SYNJ2BP: variants seen among roughly 807,000 people sequenced by gnomAD.
SYNJ2BP encodes synaptojanin 2 binding protein.
A neutral mutation model predicts 16.9 loss-of-function variants in SYNJ2BP; 10 were observed. The observed-to-expected ratio is 0.59, with a 90% CI of 0.36 to 1.00. The LOEUF (loss-of-function observed/expected upper bound fraction) is 1.00, where lower values mean the gene tolerates loss of function less well. SYNJ2BP is among the 50% of genes least tolerant of loss of function. The probability of loss-of-function intolerance (pLI) is 0.01; values close to 1 mark genes in which losing one functional copy is unlikely to be tolerated. For missense variants in SYNJ2BP, 162 were observed against 186.7 expected, an observed-to-expected ratio of 0.87 and a Z score of 0.77; for synonymous variants, 54 against 68.4, an observed-to-expected ratio of 0.79 and a Z score of 1.04.
intron 2 of SYNJ2BP, among the ~76,000 whole-genome samples, chr14:70,385,712 C>T (rs1887846272): frequency 6.6e-6 from 1 of 152,104 alleles, no homozygotes; most frequent in African/African-American, 2.4e-5. Context: ...ACCATACATG[C>T]AATCTACTAT....
Position 70,388,471 on chromosome 14 carries a change from G to A in SYNJ2BP, c.200C>T (p.Ser67Leu), listed in dbSNP as rs772822266. ...GRLQEGDKIL[S>L]VNGQDLKNLL... ...AAGGAGGCCGAAGCCCATTCTCACC[G>A]AAAGGATCTTATCACCCTCCTGGAG... Residue 67 changes from serine (S) to leucine (L), a missense_variant and splice_region_variant, in exon 2 of 4, where the codon TCG becomes TTG. By Grantham distance (145) the Ser-to-Leu change is moderately radical. Transcript: ENST00000256366. 16 of 1,563,300 alleles carry A rather than the reference G, an allele frequency of 1.0e-5. No individual in the cohort carries two copies. Among genetic ancestry groups the A allele is most frequent in the East Asian group, 2.4e-5 (1 of 42,532 alleles).
intron 1 of SYNJ2BP, among the ~76,000 whole-genome samples, chr14:70,401,547 A>G (rs930140144): frequency 1.5e-5 from 2 of 131,698 alleles, no homozygotes; most frequent in African/African-American, 6.0e-5. Flanking sequence ...TTTTCAGTCA[A>G]TTGAGACCCC....
chr14:70,413,727 A>G, intron 1 of SYNJ2BP, among the ~76,000 whole-genome samples: 1 of 152,210 alleles, frequency 6.6e-6, no homozygotes, highest in East Asian at 1.9e-4. Flanking sequence ...TGTTGTCATA[A>G]TTTCCCCAAG....
chr14:70,406,072 G>C lies in SYNJ2BP; in HGVS notation c.64+10828C>G, dbSNP rs186628214. Among the ~76,000 whole-genome samples, 447 of 152,126 alleles carry C rather than the reference G, an allele frequency of 2.9e-3. 3 individuals carry two copies. Among genetic ancestry groups the C allele is most frequent in the Middle Eastern group, 6.8e-3 (2 of 294 alleles). On this transcript the variant is annotated intron_variant, in intron 1 of 3. Transcript: ENST00000256366. Reference sequence around the variant, plus strand: ...TCTAACTTTAACCCTTTTCCAAAAGGAACCCCTGGAAGTCCAACAGATACG... The same window carrying C: ...TCTAACTTTAACCCTTTTCCAAAAGCAACCCCTGGAAGTCCAACAGATACG...
chr14:70,367,561 C>CAAAAAAAAAAAAA lies in SYNJ2BP; in HGVS notation c.*5417_*5429dup, dbSNP rs71448320. 2 of 36,948 alleles carry CAAAAAAAAAAAAA rather than the reference C, an allele frequency of 5.4e-5. No homozygotes were observed. Among genetic ancestry groups the CAAAAAAAAAAAAA allele is most frequent in the African/African-American group, 1.9e-4 (2 of 10,324 alleles). 2.3% of individuals were successfully genotyped at this position (36,948 alleles called of 1,614,324 possible). On this transcript the variant is annotated 3_prime_UTR_variant, in exon 4 of 4. Transcript: ENST00000256366. ...TAGGCGACAGAGCAAGACTCCGTCT[C>CAAAAAAAAAAAAA]AAAAAAAAAAAAAAAAAAAAAAAAA...
intron 2 of SYNJ2BP, among the ~76,000 whole-genome samples, chr14:70,384,036 C>T (rs959911854): frequency 4.0e-5 from 6 of 151,556 alleles, no homozygotes; most frequent in Non-Finnish European, 8.8e-5. Flanking sequence ...CGGCTCACTG[C>T]AAGCTCTGCC....
Position 70,388,622 on chromosome 14 carries a change from A to C in SYNJ2BP, c.65-16T>G, listed in dbSNP as rs1237272500. 2.0e-6 allele frequency: 3 copies of C among 1,472,298 alleles called. No individual in the cohort carries two copies. Among genetic ancestry groups the C allele is most frequent in the Non-Finnish European group, 2.7e-6 (3 of 1,109,414 alleles). The allele number at this position is 1,472,298 out of a possible 1,614,324, so 91.2% of individuals were successfully genotyped here. On this transcript the variant is annotated splice_polypyrimidine_tract_variant and intron_variant, in intron 1 of 3. Coordinates refer to ENST00000256366, the MANE Select transcript of SYNJ2BP (RefSeq NM_018373.3). ...AAGCCCAGCCCTGAGAAAATCATGG[A>C]GGAGTAAAAAGATGGGGGTGAAGAA...
chr14:70,367,945 T>A lies in SYNJ2BP; in HGVS notation c.*5046A>T, dbSNP rs1887430972. The A allele has an allele frequency of 7.2e-5, 11 of 152,316 alleles. No individual in the cohort carries two copies. The South Asian group carries it at 2.3e-3, about 32-fold the overall frequency. The allele number at this position is 152,316 out of a possible 1,614,324, so 9.4% of individuals were successfully genotyped here. On this transcript the variant is annotated 3_prime_UTR_variant, in exon 4 of 4. Transcript: ENST00000256366. ...CACATAGTAGGCAGTCATTAGTTAT[T>A]TGCTGAATGAAGGAAAAAAACCTTC...
chr14:70,392,814 T>G (rs1023329051), intron 1 of SYNJ2BP, among the ~76,000 whole-genome samples: 3 of 152,134 alleles, frequency 2.0e-5, no homozygotes, highest in South Asian at 4.1e-4. Flanking sequence ...ACCAACCAAT[T>G]GAAACAGATG....
intron 1 of SYNJ2BP, among the ~76,000 whole-genome samples, chr14:70,402,789 C>T (rs1033923886): frequency 7.2e-5 from 11 of 152,074 alleles, no homozygotes; most frequent in Non-Finnish European, 1.0e-4. Context: ...AATCAAGAAA[C>T]GAACTAAGTA....
rs780920609 is a variant in SYNJ2BP, at chr14:70,388,470, C to T, written c.201G>A (p.Ser67=). The T allele has an allele frequency of 3.2e-6, 5 of 1,559,632 alleles. No individual in the cohort carries two copies. Among genetic ancestry groups the T allele is most frequent in the East Asian group, 2.4e-5 (1 of 42,406 alleles). The change falls in exon 2 of 4, where the codon TCG becomes TCA. Residue 67 remains serine, a splice_region_variant and synonymous_variant. Transcript: ENST00000256366. The part of the protein sequence containing the change: ...GRLQEGDKIL[S]VNGQDLKNLL... ...GAAGGAGGCCGAAGCCCATTCTCAC[C>T]GAAAGGATCTTATCACCCTCCTGGA...
At chr14:70,411,683 C>T (rs991160577) in intron 1 of SYNJ2BP, among the ~76,000 whole-genome samples, 23 of 152,190 alleles carry the variant, frequency 1.5e-4, no homozygotes, top group African/African-American at 5.1e-4. Flanking sequence ...CCTGTCCATT[C>T]CAGAAGACCC....
At chr14:70,397,244 C>A (rs1200637154) in intron 1 of SYNJ2BP, among the ~76,000 whole-genome samples, 3 of 151,770 alleles carry the variant, frequency 2.0e-5, no homozygotes, top group Non-Finnish European at 4.4e-5. Context: ...GTGTACTCTG[C>A]TGTTATTTGA....
intron 1 of SYNJ2BP, among the ~76,000 whole-genome samples, chr14:70,414,997 T>C (rs1252670168): frequency 1.3e-5 from 2 of 152,100 alleles, no homozygotes; most frequent in African/African-American, 4.8e-5. Flanking sequence ...CAAATGAGCC[T>C]TTGACAAAAG....
At chr14:70,403,326 A>G (rs1888280113) in intron 1 of SYNJ2BP, among the ~76,000 whole-genome samples, 1 of 152,252 alleles carries the variant, frequency 6.6e-6, no homozygotes, top group African/African-American at 2.4e-5. Flanking sequence ...ACATGAAAAC[A>G]TTCTAATGAA....
chr14:70,407,857 G>A (rs1444754336), intron 1 of SYNJ2BP, among the ~76,000 whole-genome samples: 1 of 152,132 alleles, frequency 6.6e-6, no homozygotes, highest in Non-Finnish European at 1.5e-5. Flanking sequence ...CTGAAAACAT[G>A]AAATTACTTG....
chr14:70,372,186 C>T lies in SYNJ2BP; in HGVS notation c.*805G>A, dbSNP rs1299162713. 1 of 151,686 alleles carries T rather than the reference C, an allele frequency of 6.6e-6. No individual in the cohort carries two copies. The highest frequency in any genetic ancestry group is 1.9e-4 in the East Asian group (1 of 5,182). The allele number at this position is 151,686 out of a possible 1,614,324, so 9.4% of individuals were successfully genotyped here. On this transcript the variant is annotated 3_prime_UTR_variant, in exon 4 of 4. Coordinates refer to ENST00000256366, the MANE Select transcript of SYNJ2BP (RefSeq NM_018373.3). Reference sequence around the variant, plus strand: ...AGAGATGAGGTTTTGCTATGTTGCCCAGGCTGGTCTCCTGGACTCAAGCAA... The same window carrying T: ...AGAGATGAGGTTTTGCTATGTTGCCTAGGCTGGTCTCCTGGACTCAAGCAA...
chr14:70,394,801 A>G (rs1888056008), intron 1 of SYNJ2BP, among the ~76,000 whole-genome samples: 2 of 152,142 alleles, frequency 1.3e-5, no homozygotes, highest in Non-Finnish European at 2.9e-5. Context: ...TATGCTATGT[A>G]CTTTATATAT....
At chr14:70,390,931 C>T (rs904643212) in intron 1 of SYNJ2BP, among the ~76,000 whole-genome samples, 24 of 151,966 alleles carry the variant, frequency 1.6e-4, no homozygotes, top group Non-Finnish European at 3.1e-4. Flanking sequence ...CTCAGGAGTT[C>T]GAGACCAGCC....
Sources: gnomAD v4.1 joint callset for allele counts (sites outside exome capture counted in the v4.1 genomes callset) on GRCh38, gnomAD v4.1.1 for gene constraint, MANE v1.5 for transcripts, NCBI Gene and HGNC (gene_info 2026-07-23, HGNC 2026-07-21) for gene names.